Variants in MGAT4C observed in about 807,000 individuals in gnomAD.
The protein encoded by MGAT4C is MGAT4 family member C, also known as alpha-1,3-mannosyl-glycoprotein 4-beta-N-acetylglucosaminyltransferase C.
A neutral mutation model predicts 40.1 loss-of-function variants in MGAT4C; 19 were observed. The observed-to-expected ratio is 0.47, with a 90% CI of 0.33 to 0.70. The LOEUF (loss-of-function observed/expected upper bound fraction) is 0.70, where lower values mean the gene tolerates loss of function less well. MGAT4C is among the 30% of genes least tolerant of loss of function. The probability of loss-of-function intolerance (pLI) is 0.02; values close to 1 mark genes in which losing one functional copy is unlikely to be tolerated. For synonymous variants in MGAT4C, 181 were observed against 187.1 expected, an observed-to-expected ratio of 0.97 and a Z score of 0.27; for missense variants, 491 against 563.2, an observed-to-expected ratio of 0.87 and a Z score of 1.30.
chr12:86,235,040 T>C (rs1443232284), intron 1 of MGAT4C, among the ~76,000 whole-genome samples: 1 of 152,088 alleles, frequency 6.6e-6, no homozygotes, highest in Non-Finnish European at 1.5e-5. Context: ...TAGCCTTTTA[T>C]TTTTTTCTTT....
At chr12:86,138,691 C>T (rs899409660) in intron 1 of MGAT4C, among the ~76,000 whole-genome samples, 6 of 142,696 alleles carry the variant, frequency 4.2e-5, no homozygotes, top group Non-Finnish European at 7.6e-5. Flanking sequence ...TATATATTTC[C>T]ATATATATCC....
chr12:86,612,160 T>C (rs1260011009), intron 2 of MGAT4C, among the ~76,000 whole-genome samples: 1 of 152,094 alleles, frequency 6.6e-6, no homozygotes, highest in Non-Finnish European at 1.5e-5. Context: ...ACTCTAATGA[T>C]AACAAAGAAC....
intron 2 of MGAT4C, among the ~76,000 whole-genome samples, chr12:86,436,085 C>T (rs575998940): frequency 6.6e-6 from 1 of 151,914 alleles, no homozygotes; most frequent in African/African-American, 2.4e-5. Flanking sequence ...TAATCTTTGC[C>T]TTGCTTCCCA....
chr12:86,288,986 A>G (rs1403795546), intron 4 of MGAT4C, among the ~76,000 whole-genome samples: 2 of 152,148 alleles, frequency 1.3e-5, no homozygotes, highest in Non-Finnish European at 2.9e-5. Context: ...AATCTTTGTC[A>G]GGGCCTATGT....
intron 3 of MGAT4C, among the ~76,000 whole-genome samples, chr12:86,433,742 C>T (rs758006623): frequency 6.6e-5 from 10 of 152,006 alleles, no homozygotes; most frequent in Admixed American, 2.6e-4. Flanking sequence ...TTTTTAAGCT[C>T]GTGCATTAAA....
chr12:86,480,894 C>T (rs1175210863), intron 2 of MGAT4C, among the ~76,000 whole-genome samples: 1 of 151,102 alleles, frequency 6.6e-6, no homozygotes, highest in African/African-American at 2.4e-5. Context: ...AATATAGGTT[C>T]TCTTCTTCCT....
chr12:86,028,684 G>A (rs1196150814), intron 2 of MGAT4C, among the ~76,000 whole-genome samples: 3 of 151,846 alleles, frequency 2.0e-5, no homozygotes, highest in Non-Finnish European at 2.9e-5. Context: ...ATTGTTTCTG[G>A]TAATAATACA....
intron 1 of MGAT4C, among the ~76,000 whole-genome samples, chr12:86,237,143 A>G (rs1254558007): frequency 6.6e-6 from 1 of 151,408 alleles, no homozygotes; most frequent in Non-Finnish European, 1.5e-5. Flanking sequence ...ACACACACAC[A>G]CCACACATAC....
At chr12:86,632,313 G>A (rs1417330279) in intron 2 of MGAT4C, among the ~76,000 whole-genome samples, 1 of 152,180 alleles carries the variant, frequency 6.6e-6, no homozygotes, top group Non-Finnish European at 1.5e-5. Context: ...TGGGGGGACT[G>A]TAAACTAGTT....
intron 1 of MGAT4C, among the ~76,000 whole-genome samples, chr12:86,801,732 G>T (rs201689917): frequency 6.6e-6 from 1 of 151,660 alleles, no homozygotes; most frequent in African/African-American, 2.4e-5. Flanking sequence ...ATTACCTTTC[G>T]AATGGAATTA....
chr12:86,458,649 C>T (rs1472955931), intron 2 of MGAT4C, among the ~76,000 whole-genome samples: 13 of 152,172 alleles, frequency 8.5e-5, no homozygotes, highest in African/African-American at 2.9e-4. Flanking sequence ...GAAACATAAG[C>T]AGTTATAACC....
chr12:86,110,283 A>ATATATACATAGTC (rs1877066595), intron 1 of MGAT4C, among the ~76,000 whole-genome samples: 1 of 17,142 alleles, frequency 5.8e-5, no homozygotes, highest in African/African-American at 2.2e-4. Context: ...TATATAGTCT[A>ATATATACATAGTC]TATATATATA....
intron 2 of MGAT4C, among the ~76,000 whole-genome samples, chr12:86,561,337 G>A (rs1391976118): frequency 1.3e-5 from 2 of 152,184 alleles, no homozygotes; most frequent in East Asian, 3.8e-4. Context: ...GTGTCTGAGA[G>A]GTTGTTGCCA....
chr12:86,402,197 C>A (rs986508345), intron 3 of MGAT4C, among the ~76,000 whole-genome samples: 2 of 152,016 alleles, frequency 1.3e-5, no homozygotes, highest in East Asian at 3.9e-4. Context: ...GTAATTCCAG[C>A]ACTTTGGGAG....
At position 86,377,319 on chromosome 12, in the gene MGAT4C, A is replaced by G. The variant is rs1955848101; in HGVS notation, c.-119-43192T>C. ...GGTTATCCGCCCACCTCAGCATCCC[A>G]AAGTGCTGGGATTACAGGCGTGAGC... On this transcript the variant is annotated intron_variant, in intron 3 of 7. Coordinates refer to the MGAT4C transcript ENST00000548651. Among the ~76,000 whole-genome samples the G allele has an allele frequency of 2.0e-5, 3 of 152,206 alleles. 1 individual carries two copies. Among genetic ancestry groups the G allele is most frequent in the South Asian group, 4.1e-4 (2 of 4,826 alleles).
intron 2 of MGAT4C, among the ~76,000 whole-genome samples, chr12:86,510,047 C>T (rs531850581): frequency 7.0e-4 from 106 of 152,192 alleles, no homozygotes; most frequent in Non-Finnish European, 1.1e-3. Flanking sequence ...ATTGAATACC[C>T]TTTATTTCCT....
At chr12:86,748,699 T>C (rs540055113) in intron 1 of MGAT4C, among the ~76,000 whole-genome samples, 1 of 151,714 alleles carries the variant, frequency 6.6e-6, no homozygotes, top group South Asian at 2.1e-4. Context: ...TAATTGAGTA[T>C]CCATAGAGAC....
intron 1 of MGAT4C, among the ~76,000 whole-genome samples, chr12:86,147,161 T>C (rs762463610): frequency 2.0e-5 from 3 of 152,204 alleles, no homozygotes; most frequent in Admixed American, 2.0e-4. Flanking sequence ...TGGACCCATA[T>C]ATGTCTTAGA....
intron 2 of MGAT4C, among the ~76,000 whole-genome samples, chr12:86,451,371 C>A (rs1273689442): frequency 6.6e-6 from 1 of 152,164 alleles, no homozygotes; most frequent in Non-Finnish European, 1.5e-5. Context: ...GAATCATGTG[C>A]CAACTAAACA....
Sources: allele counts gnomAD v4.1 joint callset (sites outside exome capture counted in the v4.1 genomes callset), GRCh38; gene constraint gnomAD v4.1.1; transcripts MANE v1.5; gene names NCBI Gene and HGNC (gene_info 2026-07-23, HGNC 2026-07-21).